The following DAB1 variants were observed in gnomAD, a reference collection of about 807,000 sequenced individuals.
DAB1 encodes disabled homolog 1.
Under a neutral mutation model 64.6 loss-of-function variants are expected in DAB1, and 15 were observed. The observed-to-expected ratio is 0.23, with a 90% CI of 0.16 to 0.36. The LOEUF is 0.36. Ranked by LOEUF, DAB1 falls within the 10% of genes least tolerant of loss-of-function variation. DAB1 has a pLI of 1.00. For synonymous variants in DAB1, 235 were observed against 251.9 expected, an observed-to-expected ratio of 0.93 and a Z score of 0.64; for missense variants, 596 against 706.7, an observed-to-expected ratio of 0.84 and a Z score of 1.78.
At chr1:58,343,888 G>T (rs981053252) in intron 3 of DAB1, among the ~76,000 whole-genome samples, 1 of 152,196 alleles carries the variant, frequency 6.6e-6, no homozygotes, top group Non-Finnish European at 1.5e-5. Context: ...AAACATTGCT[G>T]TTTAACCTGT....
At chr1:57,298,696 A>G (rs1484841596) in intron 1 of DAB1, among the ~76,000 whole-genome samples, 3 of 152,238 alleles carry the variant, frequency 2.0e-5, no homozygotes, top group South Asian at 2.1e-4. Context: ...GCCATTTTCC[A>G]TAATAGGATA....
intron 4 of DAB1, among the ~76,000 whole-genome samples, chr1:58,248,088 G>GA (rs71580861): frequency 0.081 from 11,962 of 148,074 alleles, 584 homozygotes; most frequent in Non-Finnish European, 0.12. Context: ...CCAAATTCAA[G>GA]AAAAAAAAAA....
chr1:58,169,576 C>T (rs1290589494), intron 4 of DAB1, among the ~76,000 whole-genome samples: 1 of 152,074 alleles, frequency 6.6e-6, no homozygotes. Flanking sequence ...GCAGCTTGAC[C>T]TTTTCTGTAA....
At chr1:58,272,486 A>G (rs1256764803) in intron 4 of DAB1, among the ~76,000 whole-genome samples, 1 of 112,564 alleles carries the variant, frequency 8.9e-6, no homozygotes, top group African/African-American at 3.5e-5. Flanking sequence ...TGGTGCTCAA[A>G]AAAATGTATA....
At chr1:57,964,418 C>T (rs1334392801) in intron 5 of DAB1, among the ~76,000 whole-genome samples, 1 of 152,210 alleles carries the variant, frequency 6.6e-6, no homozygotes, top group Non-Finnish European at 1.5e-5. Context: ...AGGTCAGTAA[C>T]TATTGATTGC....
At chr1:57,696,292 CAGG>C (rs1167165231) in intron 6 of DAB1, among the ~76,000 whole-genome samples, 3 of 152,104 alleles carry the variant, frequency 2.0e-5, no homozygotes, top group African/African-American at 7.2e-5. Flanking sequence ...AATCTGCAAG[CAGG>C]AGTTTTGTCA....
intron 5 of DAB1, among the ~76,000 whole-genome samples, chr1:58,085,497 C>G (rs995288496): frequency 1.3e-5 from 2 of 151,994 alleles, no homozygotes. Context: ...TCCTGAGTAG[C>G]TGGGACTATA....
chr1:57,025,430 G>A (rs571129617), intron 10 of DAB1, among the ~76,000 whole-genome samples: 32 of 152,140 alleles, frequency 2.1e-4, no homozygotes, highest in Admixed American at 3.9e-4. Context: ...CTGCAAAGCT[G>A]AAGGGCAGGC....
At chr1:58,114,708 G>A (rs896201904) in intron 5 of DAB1, among the ~76,000 whole-genome samples, 7 of 152,174 alleles carry the variant, frequency 4.6e-5, no homozygotes, top group East Asian at 1.9e-4. Flanking sequence ...TGACCCTGAC[G>A]TAGAACATTT....
At chr1:57,156,480 C>T (rs961067092) in intron 2 of DAB1, among the ~76,000 whole-genome samples, 1 of 152,142 alleles carries the variant, frequency 6.6e-6, no homozygotes, top group Non-Finnish European at 1.5e-5. Context: ...ACAGAGCAGA[C>T]CTGCGGTGTC....
chr1:58,121,220 G>T (rs1403487253), intron 5 of DAB1, among the ~76,000 whole-genome samples: 1 of 152,098 alleles, frequency 6.6e-6, no homozygotes, highest in Non-Finnish European at 1.5e-5. Flanking sequence ...GATCAGAGCT[G>T]CCAGAGTAAC....
intron 4 of DAB1, among the ~76,000 whole-genome samples, chr1:57,125,225 G>A (rs1657027988): frequency 6.6e-6 from 1 of 152,132 alleles, no homozygotes; most frequent in Non-Finnish European, 1.5e-5. Flanking sequence ...ATTTGGAGGC[G>A]CAGACCCCAT....
At chr1:57,284,430 T>A (rs1472365863) in intron 2 of DAB1, among the ~76,000 whole-genome samples, 1 of 152,180 alleles carries the variant, frequency 6.6e-6, no homozygotes, top group Non-Finnish European at 1.5e-5. Context: ...AATTAATTAA[T>A]GATGCCCCGT....
chr1:57,880,475 CCT>C (rs1644127609), intron 1 of DAB1: 1 of 152,160 alleles, frequency 6.6e-6, no homozygotes, highest in Admixed American at 6.6e-5. Context: ...TTAAAATCCT[CCT>C]CTTTTCAGGA....
At chr1:57,388,283 A>G (rs1024622092) in intron 1 of DAB1, among the ~76,000 whole-genome samples, 1 of 152,160 alleles carries the variant, frequency 6.6e-6, no homozygotes, top group Non-Finnish European at 1.5e-5. Context: ...TGATTCTTCT[A>G]TTGACCAACC....
At chr1:58,210,385 G>C (rs762858890) in intron 4 of DAB1, among the ~76,000 whole-genome samples, 1 of 152,222 alleles carries the variant, frequency 6.6e-6, no homozygotes, top group Non-Finnish European at 1.5e-5. Flanking sequence ...ATGCAAATTG[G>C]AGGAAGGTGA....
At chr1:58,495,117 T>C (rs1399693823) in intron 3 of DAB1, among the ~76,000 whole-genome samples, 1 of 152,102 alleles carries the variant, frequency 6.6e-6, no homozygotes, top group Non-Finnish European at 1.5e-5. Flanking sequence ...ATGTCCTTTG[T>C]AGGGACATGG....
intron 9 of DAB1, chr1:57,033,574 C>A (rs757873098): frequency 6.2e-7 from 1 of 1,611,770 alleles, no homozygotes; most frequent in East Asian, 2.2e-5. Flanking sequence ...AATAGCCATT[C>A]TGAAAGTGGA....
intron 5 of DAB1, among the ~76,000 whole-genome samples, chr1:58,122,215 T>A (rs970868418): frequency 6.6e-6 from 1 of 152,190 alleles, no homozygotes; most frequent in African/African-American, 2.4e-5. Context: ...CTATGCACAG[T>A]TTATTTGGAA....
Sources: allele counts gnomAD v4.1 joint callset (sites outside exome capture counted in the v4.1 genomes callset), GRCh38; gene constraint gnomAD v4.1.1; transcripts MANE v1.5; gene names NCBI Gene and HGNC (gene_info 2026-07-23, HGNC 2026-07-21).